Variants in MKLN1 observed in about 807,000 individuals in gnomAD.
The protein encoded by MKLN1 is muskelin 1, also known as muskelin.
MKLN1 carries 18 observed loss-of-function variants against 99.0 expected under a neutral mutation model. That is an observed-to-expected ratio of 0.18 (90% confidence interval 0.13 to 0.27). MKLN1 has a LOEUF of 0.27. Ranked by LOEUF, MKLN1 falls within the 10% of genes least tolerant of loss-of-function variation. The probability of loss-of-function intolerance (pLI) is 1.00; values close to 1 mark genes in which losing one functional copy is unlikely to be tolerated. For synonymous variants in MKLN1, 288 were observed against 293.2 expected, an observed-to-expected ratio of 0.98 and a Z score of 0.18; for missense variants, 621 against 875.9, an observed-to-expected ratio of 0.71 and a Z score of 3.67.
At position 131,327,918 on chromosome 7, in the gene MKLN1, G is replaced by C. The variant is rs764084759; in HGVS notation, c.19G>C (p.Val7Leu). The change falls in exon 1 of 18, where the codon GTC (valine) becomes CTC (leucine). Residue 7 changes from valine (V) to leucine (L), a missense_variant. Coordinates refer to ENST00000352689, the MANE Select transcript of MKLN1 (RefSeq NM_013255.5). MAAGGA[V>L]AAAPECRLLP... Reference sequence around the variant, plus strand: ...TGACAAGATGGCGGCTGGCGGAGCTGTCGCTGCGGCGCCCGAGTGCCGGCT... The same window carrying C: ...TGACAAGATGGCGGCTGGCGGAGCTCTCGCTGCGGCGCCCGAGTGCCGGCT... The C allele has an allele frequency of 1.2e-6, 2 of 1,612,834 alleles. No homozygotes were observed. The highest frequency in any genetic ancestry group is 1.7e-5 in the Admixed American group (1 of 60,008).
chr7:131,467,181 C>A lies in MKLN1; in HGVS notation c.1928+766C>A, dbSNP rs564046285. Among the ~76,000 whole-genome samples the A allele has an allele frequency of 6.6e-5, 10 of 152,064 alleles. No homozygotes were observed. In the South Asian group the frequency reaches 2.1e-3, roughly 31 times the overall value. ...AGACTGTCAATTACTTTATGCTAGA[C>A]CCTGTATATTATTCTGTGACAGAGC... is the stretch of plus-strand genomic sequence containing the variant. On this transcript the variant is annotated intron_variant, in intron 15 of 17. Transcript: ENST00000352689.
Position 131,395,450 on chromosome 7 carries a change from TTTTTATTTTA to T in MKLN1, c.401-1776_401-1767del, listed in dbSNP as rs56276107. ...TTTTCTGTGCCATTGGTAAAAATTA[TTTTTATTTTA>T]TTTTATTTTATTTTATTTTATTTTA... On this transcript the variant is annotated intron_variant, in intron 4 of 17. Transcript: ENST00000352689. Among the ~76,000 whole-genome samples, 830 of 134,254 alleles carry T rather than the reference TTTTTATTTTA, an allele frequency of 6.2e-3. 8 individuals are homozygous for T. The highest frequency in any genetic ancestry group is 0.024 in the East Asian group (112 of 4,676). The allele number at this position is 134,254 out of a possible 152,430, so 88.1% of individuals were successfully genotyped here. A position where few individuals can be genotyped will look rare whatever the true frequency, so the allele number is the denominator to read the frequency against.
chr7:131,332,852 C>T (rs1249848001), intron 1 of MKLN1, among the ~76,000 whole-genome samples: 1 of 152,030 alleles, frequency 6.6e-6, no homozygotes. Context: ...CAGCCTCGAC[C>T]TCCTGGGCTC....
intron 3 of MKLN1, among the ~76,000 whole-genome samples, chr7:131,253,619 A>G (rs1045767053): frequency 3.9e-5 from 6 of 152,270 alleles, no homozygotes; most frequent in South Asian, 2.1e-4. Context: ...ATGAAACAGA[A>G]TCATCACTCC....
At chr7:131,227,580 T>C (rs1797176280) in intron 3 of MKLN1, among the ~76,000 whole-genome samples, 1 of 150,950 alleles carries the variant, frequency 6.6e-6, no homozygotes, top group Non-Finnish European at 1.5e-5. Context: ...CTTTCTTTTT[T>C]TTTGAGACAG....
chr7:131,150,933 C>A (rs1375870835), intron 2 of MKLN1, among the ~76,000 whole-genome samples: 1 of 152,016 alleles, frequency 6.6e-6, no homozygotes, highest in African/African-American at 2.4e-5. Context: ...ATAGAACATT[C>A]AGATGGTGAT....
chr7:131,331,215 G>A (rs1799064287), intron 1 of MKLN1, among the ~76,000 whole-genome samples: 1 of 152,098 alleles, frequency 6.6e-6, no homozygotes, highest in African/African-American at 2.4e-5. Context: ...TGAAACTGAG[G>A]TCCATACAGG....
At chr7:131,339,739 T>C (rs73488959) in intron 1 of MKLN1, among the ~76,000 whole-genome samples, 8,574 of 152,072 alleles carry the variant, frequency 0.056, 282 homozygotes, top group East Asian at 0.19. Context: ...TCTATAAGTA[T>C]AGTATTTCCC....
At chr7:131,360,633 A>G (rs1343679612) in intron 1 of MKLN1, among the ~76,000 whole-genome samples, 3 of 152,180 alleles carry the variant, frequency 2.0e-5, no homozygotes, top group South Asian at 2.1e-4. Flanking sequence ...TCTACATGCC[A>G]TAATCACTCA....
chr7:131,439,315 A>G (rs931711134), intron 10 of MKLN1, among the ~76,000 whole-genome samples: 1 of 152,156 alleles, frequency 6.6e-6, no homozygotes, highest in Admixed American at 6.6e-5. Flanking sequence ...TTGAAAAAAG[A>G]ATAGCTTAGG....
At chr7:131,433,946 C>T (rs989286164) in intron 9 of MKLN1, among the ~76,000 whole-genome samples, 6 of 149,336 alleles carry the variant, frequency 4.0e-5, no homozygotes, top group African/African-American at 1.2e-4. Context: ...TGCAATGATG[C>T]GATCTCGGCT....
intron 2 of MKLN1, among the ~76,000 whole-genome samples, chr7:131,386,127 C>T (rs1423273107): frequency 6.6e-6 from 1 of 151,668 alleles, no homozygotes; most frequent in Non-Finnish European, 1.5e-5. Flanking sequence ...AATTCTCCTG[C>T]CTCAGCCTCC....
chr7:131,118,835 C>A lies in MKLN1; in HGVS notation c.-419+8628C>A, dbSNP rs1795317774. Among the ~76,000 whole-genome samples the A allele has an allele frequency of 2.0e-5, 3 of 152,318 alleles. No homozygotes were observed. In the South Asian group the frequency reaches 6.2e-4, roughly 32 times the overall value. The stretch of plus-strand genomic sequence containing the variant: ...ATCACGAGAAGAACAAGGGGGACAT[C>A]TTTCCCCATGATCCAATCACCTCCC... On this transcript the variant is annotated intron_variant, in intron 1 of 7. Coordinates refer to the MKLN1 transcript ENST00000416992.
intron 3 of MKLN1, among the ~76,000 whole-genome samples, chr7:131,284,419 A>G (rs1316604165): frequency 1.3e-5 from 2 of 152,208 alleles, no homozygotes; most frequent in Non-Finnish European, 2.9e-5. Context: ...GTCTGCTCCA[A>G]GTATGCATGT....
chr7:131,174,417 G>A (rs1273599123), intron 2 of MKLN1, among the ~76,000 whole-genome samples: 1 of 152,158 alleles, frequency 6.6e-6, no homozygotes, highest in Non-Finnish European at 1.5e-5. Flanking sequence ...ACAATAGCGG[G>A]GACAAGAAAG....
chr7:131,327,642 C>T, upstream of MKLN1: 1 of 486,454 alleles, frequency 2.1e-6, no homozygotes, highest in Non-Finnish European at 3.6e-6. Flanking sequence ...GTCCTTTGCG[C>T]CATTCCCCTC....
chr7:131,222,550 T>C (rs371506664), intron 3 of MKLN1, among the ~76,000 whole-genome samples: 1 of 152,144 alleles, frequency 6.6e-6, no homozygotes, highest in African/African-American at 2.4e-5. Context: ...ACACTCTCTG[T>C]TGGGTTTGGG....
intron 2 of MKLN1, among the ~76,000 whole-genome samples, chr7:131,152,140 T>C (rs1485197014): frequency 6.6e-6 from 1 of 152,146 alleles, no homozygotes; most frequent in Non-Finnish European, 1.5e-5. Context: ...CTGGTCTACA[T>C]AGCAAGACTT....
intron 2 of MKLN1, among the ~76,000 whole-genome samples, chr7:131,182,880 T>C (rs2250234): frequency 0.6 from 91,168 of 152,044 alleles, 27,540 homozygotes; most frequent in Middle Eastern, 0.68. Context: ...GGCTCTGAAA[T>C]GCCAGTGGGT....
Sources: allele counts gnomAD v4.1 joint callset (sites outside exome capture counted in the v4.1 genomes callset), GRCh38; gene constraint gnomAD v4.1.1; transcripts MANE v1.5; gene names NCBI Gene and HGNC (gene_info 2026-07-23, HGNC 2026-07-21).